Variants in RALYL observed in about 807,000 individuals in gnomAD.
The protein encoded by RALYL is RNA-binding Raly-like protein.
RALYL carries 29 observed loss-of-function variants against 35.1 expected under a neutral mutation model. That is an observed-to-expected ratio of 0.83 (90% CI 0.61 to 1.13). The LOEUF is 1.13. RALYL is among the 50% of genes most tolerant of loss of function. The pLI is 0.00. For missense variants in RALYL, 359 were observed against 360.4 expected (o/e 1.00, Z 0.03); for synonymous variants, 120 against 127.6 (o/e 0.94, Z 0.40).
At chr8:84,425,393 T>G (rs2046276919) in intron 1 of RALYL, among the ~76,000 whole-genome samples, 11 of 152,130 alleles carry the variant, frequency 7.2e-5, no homozygotes, top group Admixed American at 7.2e-4. Flanking sequence ...AGGCAATGCC[T>G]CGCCCTGCTT....
chr8:84,418,228 C>T (rs1254405245), intron 1 of RALYL, among the ~76,000 whole-genome samples: 1 of 152,144 alleles, frequency 6.6e-6, no homozygotes, highest in Non-Finnish European at 1.5e-5. Context: ...CTGATAGTTA[C>T]TGATTACGGA....
chr8:84,667,394 T>G (rs1471750973), intron 2 of RALYL, among the ~76,000 whole-genome samples: 1 of 152,116 alleles, frequency 6.6e-6, no homozygotes, highest in South Asian at 2.1e-4. Flanking sequence ...GAACTTTAAG[T>G]GGTTATTTTC....
chr8:84,203,702 T>C (rs1053293853), intron 1 of RALYL, among the ~76,000 whole-genome samples: 5 of 152,174 alleles, frequency 3.3e-5, no homozygotes, highest in African/African-American at 1.2e-4. Flanking sequence ...CTTGAGAAGT[T>C]CAGGTACAGA....
chr8:84,434,896 G>T lies in RALYL; in HGVS notation c.-23-94403G>T, dbSNP rs115453526. On this transcript the variant is annotated intron_variant, in intron 1 of 8. Transcript: ENST00000521268. Reference sequence around the variant, plus strand: ...TATGCTTGATCAAACTGCTAATATTGATTTGGATTTGAATATAGTAATCCC... The same window carrying T: ...TATGCTTGATCAAACTGCTAATATTTATTTGGATTTGAATATAGTAATCCC... Among the ~76,000 whole-genome samples the T allele has an allele frequency of 1.2e-3, 187 of 152,172 alleles. 2 individuals are homozygous for T. Among genetic ancestry groups the T allele is most frequent in the African/African-American group, 3.7e-3 (155 of 41,536 alleles).
At chr8:84,389,074 T>C (rs1042879396) in intron 1 of RALYL, among the ~76,000 whole-genome samples, 5 of 152,210 alleles carry the variant, frequency 3.3e-5, no homozygotes, top group Non-Finnish European at 5.9e-5. Flanking sequence ...TAGCCAGTTT[T>C]CCCAGCACCA....
intron 2 of RALYL, among the ~76,000 whole-genome samples, chr8:84,609,720 A>G (rs1319488113): frequency 6.6e-6 from 1 of 152,132 alleles, no homozygotes; most frequent in Non-Finnish European, 1.5e-5. Context: ...TATTAGCACA[A>G]TGTATTTCCG....
At chr8:84,630,006 G>C (rs1157519963) in intron 2 of RALYL, among the ~76,000 whole-genome samples, 1 of 151,944 alleles carries the variant, frequency 6.6e-6, no homozygotes, top group African/African-American at 2.4e-5. Context: ...AAAGAAATAA[G>C]GGCTTGAAAC....
intron 2 of RALYL, among the ~76,000 whole-genome samples, chr8:84,582,186 A>C (rs1298137815): frequency 6.6e-6 from 1 of 152,158 alleles, no homozygotes; most frequent in Non-Finnish European, 1.5e-5. Flanking sequence ...AATATATTCA[A>C]GTCCTTCCTA....
At position 84,410,745 on chromosome 8, in the gene RALYL, G is replaced by T. The variant is rs999659504; in HGVS notation, c.-23-118554G>T. 2.0e-5 allele frequency among the ~76,000 whole-genome samples: 3 copies of T among 151,622 alleles called. No homozygotes were observed. In the East Asian group the frequency reaches 5.8e-4, roughly 29 times the overall value. On this transcript the variant is annotated intron_variant, in intron 1 of 8. Transcript: ENST00000521268. ...TTAATACGAAACATTTTCTATGTTT[G>T]ATAAAGTTGCATGTATATTATCACT...
chr8:84,592,160 A>G (rs932398988), intron 2 of RALYL, among the ~76,000 whole-genome samples: 1 of 152,156 alleles, frequency 6.6e-6, no homozygotes, highest in African/African-American at 2.4e-5. Context: ...CCCAATTTCC[A>G]AAAGGCCAGG....
intron 2 of RALYL, among the ~76,000 whole-genome samples, chr8:84,545,648 T>C (rs750182903): frequency 3.3e-5 from 5 of 152,204 alleles, no homozygotes; most frequent in Non-Finnish European, 5.9e-5. Flanking sequence ...ATTATGTTTC[T>C]GTTTTAATAC....
intron 2 of RALYL, among the ~76,000 whole-genome samples, chr8:84,605,841 G>T (rs1354269425): frequency 6.6e-6 from 1 of 152,046 alleles, no homozygotes; most frequent in Admixed American, 6.6e-5. Flanking sequence ...CCTCTGAAAG[G>T]CTGAACTATG....
intron 1 of RALYL, among the ~76,000 whole-genome samples, chr8:84,417,378 C>A (rs2044836537): frequency 6.6e-6 from 1 of 152,010 alleles, no homozygotes; most frequent in South Asian, 2.1e-4. Flanking sequence ...GAATCAGAAT[C>A]CTCAGTATTT....
chr8:84,494,446 C>A (rs950705030), intron 1 of RALYL, among the ~76,000 whole-genome samples: 1 of 151,824 alleles, frequency 6.6e-6, no homozygotes, highest in Non-Finnish European at 1.5e-5. Flanking sequence ...GAAGAATGTT[C>A]ATGGTAGTTT....
chr8:84,481,472 T>C (rs1420474054), intron 1 of RALYL, among the ~76,000 whole-genome samples: 1 of 134,706 alleles, frequency 7.4e-6, no homozygotes, highest in African/African-American at 2.6e-5. Flanking sequence ...TAGGACTACT[T>C]CTATTCCTAT....
chr8:84,758,602 C>A (rs1169072773), intron 2 of RALYL, among the ~76,000 whole-genome samples: 1 of 151,876 alleles, frequency 6.6e-6, no homozygotes, highest in East Asian at 1.9e-4. Flanking sequence ...TGGTTCTTCA[C>A]CACGTGGCCT....
chr8:84,424,776 C>T (rs2046142351), intron 1 of RALYL, among the ~76,000 whole-genome samples: 1 of 152,018 alleles, frequency 6.6e-6, no homozygotes, highest in Non-Finnish European at 1.5e-5. Flanking sequence ...ACAGACAGGA[C>T]CCTCAGCTGC....
At chr8:84,322,100 G>A (rs1005302560) in intron 1 of RALYL, among the ~76,000 whole-genome samples, 2 of 152,040 alleles carry the variant, frequency 1.3e-5, no homozygotes, top group African/African-American at 2.4e-5. Flanking sequence ...TCCTCCCTCA[G>A]TAACTGATAC....
At chr8:84,408,234 T>C (rs992527493) in intron 1 of RALYL, among the ~76,000 whole-genome samples, 6 of 152,128 alleles carry the variant, frequency 3.9e-5, no homozygotes, top group African/African-American at 7.2e-5. Flanking sequence ...CATTTTTCTG[T>C]TGAACACAAT....
Sources: gnomAD v4.1 joint callset for allele counts (sites outside exome capture counted in the v4.1 genomes callset) on GRCh38, gnomAD v4.1.1 for gene constraint, MANE v1.5 for transcripts, NCBI Gene and HGNC (gene_info 2026-07-23, HGNC 2026-07-21) for gene names.